Variants in MACROD2 observed in about 807,000 individuals in gnomAD.
The protein encoded by MACROD2 is mono-ADP ribosylhydrolase 2, also known as ADP-ribose glycohydrolase MACROD2.
MACROD2 carries 36 observed loss-of-function variants against 70.4 expected under a neutral mutation model. That is an observed-to-expected ratio of 0.51 (90% CI 0.39 to 0.68). The LOEUF is 0.68. MACROD2 is among the 30% of genes least tolerant of loss of function. The pLI is 0.00. For synonymous variants in MACROD2, 172 were observed against 178.8 expected (o/e 0.96, Z 0.30); for missense variants, 496 against 538.4 (o/e 0.92, Z 0.78).
intron 6 of MACROD2, among the ~76,000 whole-genome samples, chr20:15,251,541 G>T (rs956860121): frequency 6.6e-6 from 1 of 152,172 alleles, no homozygotes; most frequent in African/African-American, 2.4e-5. Context: ...GGTGTAAGTT[G>T]CATCAACGTC....
intron 12 of MACROD2, among the ~76,000 whole-genome samples, chr20:15,945,229 AAT>A (rs1208796437): frequency 6.6e-6 from 1 of 152,130 alleles, no homozygotes; most frequent in Non-Finnish European, 1.5e-5. Flanking sequence ...GTCATTATTA[AAT>A]ATATATATGT....
Position 15,091,761 on chromosome 20 carries a change from TAAAG to T in MACROD2, c.419-138174_419-138171del, listed in dbSNP as rs568231420. Among the ~76,000 whole-genome samples the T allele has an allele frequency of 2.1e-3, 319 of 152,244 alleles. 2 individuals are homozygous for T. The highest frequency in any genetic ancestry group is 7.1e-3 in the African/African-American group (295 of 41,564). On this transcript the variant is annotated intron_variant, in intron 5 of 17. Transcript: ENST00000684519. The stretch of plus-strand genomic sequence containing the variant: ...CAATATGCATTTTTTAATCTAGTAA[TAAAG>T]AAAGTAATGTGGCTGAATAATGCCT...
intron 13 of MACROD2, 56 bp from the exon 14 acceptor site, chr20:15,986,671 A>C: frequency 7.2e-7 from 1 of 1,383,190 alleles, no homozygotes; most frequent in Non-Finnish European, 1.0e-6. Flanking sequence ...GTCAGGAATA[A>C]AGCTACGGTC....
chr20:14,684,760 G>A (rs955359299), intron 4 of MACROD2, 83 bp from the exon 5 acceptor site: 8 of 1,051,728 alleles, frequency 7.6e-6, no homozygotes, highest in Middle Eastern at 2.2e-4. Flanking sequence ...AGAACAAATT[G>A]AGTTCTCTTC....
Position 13,995,569 on chromosome 20 carries a change from A to G in MACROD2, c.-195A>G. On this transcript the variant is annotated 5_prime_UTR_variant, in exon 1 of 18. Transcript: ENST00000684519. The surrounding 1 kb of genome is among the most constrained non-coding windows in gnomAD (Gnocchi z 4.3). The stretch of plus-strand genomic sequence containing the variant: ...CGTCCGCGGGGCTGAGGCGGGTGGG[A>G]GCCGGAGCCGAGCGCGGGCTGAGGG... 1 of 661,052 alleles carries G rather than the reference A, an allele frequency of 1.5e-6. No homozygotes were observed. Among genetic ancestry groups the G allele is most frequent in the Non-Finnish European group, 2.8e-6 (1 of 359,340 alleles). 40.9% of individuals were successfully genotyped at this position (661,052 alleles called of 1,614,324 possible).
chr20:15,075,756 A>G (rs947902603), intron 5 of MACROD2, among the ~76,000 whole-genome samples: 8 of 152,144 alleles, frequency 5.3e-5, no homozygotes, highest in Non-Finnish European at 1.0e-4. Flanking sequence ...GAGGGTGAGG[A>G]AATACAGGCT....
intron 4 of MACROD2, among the ~76,000 whole-genome samples, chr20:14,589,910 T>C (rs1331035715): frequency 5.3e-5 from 8 of 152,166 alleles, no homozygotes; most frequent in Admixed American, 2.6e-4. Flanking sequence ...AAGGTGAACT[T>C]ACTGACCCTT....
At chr20:14,339,685 A>G (rs950779811) in intron 3 of MACROD2, among the ~76,000 whole-genome samples, 5 of 152,316 alleles carry the variant, frequency 3.3e-5, no homozygotes, top group Admixed American at 3.3e-4. Context: ...ATGACTTCAT[A>G]TTTGTTGCCC....
At chr20:15,002,723 A>T (rs1198111610) in intron 5 of MACROD2, among the ~76,000 whole-genome samples, 1 of 152,146 alleles carries the variant, frequency 6.6e-6, no homozygotes, top group Admixed American at 6.5e-5. Context: ...ATGGAACTGT[A>T]TTTGCCTCAG....
At chr20:14,638,326 T>C (rs1984896408) in intron 4 of MACROD2, among the ~76,000 whole-genome samples, 1 of 152,212 alleles carries the variant, frequency 6.6e-6, no homozygotes, top group Non-Finnish European at 1.5e-5. Context: ...GTTATGACTA[T>C]GAGAATGAAA....
chr20:14,428,244 A>G (rs1366212705), intron 3 of MACROD2, among the ~76,000 whole-genome samples: 1 of 152,130 alleles, frequency 6.6e-6, no homozygotes, highest in Non-Finnish European at 1.5e-5. Context: ...TCTTCAAGAT[A>G]TATGCCTATT....
chr20:15,270,677 C>G (rs1422753725), intron 6 of MACROD2, among the ~76,000 whole-genome samples: 1 of 152,172 alleles, frequency 6.6e-6, no homozygotes, highest in Non-Finnish European at 1.5e-5. Flanking sequence ...ATTAGAGCTT[C>G]TTAGCTGCCT....
chr20:15,588,172 C>G (rs1265054226), intron 8 of MACROD2, among the ~76,000 whole-genome samples: 1 of 152,224 alleles, frequency 6.6e-6, no homozygotes, highest in Non-Finnish European at 1.5e-5. Flanking sequence ...CATGTGGAAG[C>G]TGCCAAGGGT....
rs113358835 is a variant in MACROD2, at chr20:15,311,439, A to G, written c.540+81378A>G. On this transcript the variant is annotated intron_variant, in intron 6 of 17. Coordinates refer to ENST00000684519, the MANE Select transcript of MACROD2 (RefSeq NM_001351661.2). ...CCAGCAATTCCATTACTGGATATATATCCGAAAGAAAACAACTAGTTCTGC... is the reference window on the plus strand; with the variant it reads ...CCAGCAATTCCATTACTGGATATATGTCCGAAAGAAAACAACTAGTTCTGC... Among the ~76,000 whole-genome samples the G allele has an allele frequency of 3.1e-3, 471 of 152,318 alleles. 4 individuals are homozygous for G. The highest frequency in any genetic ancestry group is 0.011 in the African/African-American group (451 of 41,578).
In MACROD2 at chr20:14,406,979, T is replaced by C. The variant is rs2083697055; in HGVS notation, c.272-86500T>C. On this transcript the variant is annotated intron_variant, in intron 3 of 17. Coordinates refer to ENST00000684519, the MANE Select transcript of MACROD2 (RefSeq NM_001351661.2). The stretch of plus-strand genomic sequence containing the variant: ...TTAATATGAAGCTGTTGATTGCAAA[T>C]GTGGGTTCTGTTATCATGAGAAACT... 1.3e-5 allele frequency among the ~76,000 whole-genome samples: 2 copies of C among 152,142 alleles called. 1 individual carries two copies. Among genetic ancestry groups the C allele is most frequent in the South Asian group, 4.1e-4 (2 of 4,828 alleles).
chr20:15,507,303 T>C (rs1038332608), intron 8 of MACROD2, among the ~76,000 whole-genome samples: 2 of 151,380 alleles, frequency 1.3e-5, no homozygotes, highest in African/African-American at 2.4e-5. Context: ...CCTCCCTCTT[T>C]CTTCCTTCCT....
chr20:14,908,929 G>A (rs775375300), intron 5 of MACROD2, among the ~76,000 whole-genome samples: 5 of 152,190 alleles, frequency 3.3e-5, no homozygotes, highest in Non-Finnish European at 5.9e-5. Context: ...TCAGATATAA[G>A]TGCAGCTTCA....
intron 8 of MACROD2, among the ~76,000 whole-genome samples, chr20:15,535,382 A>G (rs923833307): frequency 2.2e-4 from 33 of 152,194 alleles, no homozygotes; most frequent in African/African-American, 7.5e-4. Flanking sequence ...AATAGCATCA[A>G]TATCACCTGG....
At chr20:15,411,437 C>T (rs1005704676) in intron 6 of MACROD2, among the ~76,000 whole-genome samples, 4 of 152,098 alleles carry the variant, frequency 2.6e-5, no homozygotes, top group African/African-American at 4.8e-5. Flanking sequence ...TTTGTTATCC[C>T]GTCATCAAAT....
Sources: allele counts gnomAD v4.1 joint callset (sites outside exome capture counted in the v4.1 genomes callset), GRCh38; gene constraint gnomAD v4.1.1; non-coding constraint Gnocchi (gnomAD v3.1); transcripts MANE v1.5; gene names NCBI Gene and HGNC (gene_info 2026-07-23, HGNC 2026-07-21).